GPR158: variants seen among roughly 807,000 people sequenced by gnomAD.
The protein encoded by GPR158 is G protein-coupled receptor 158.
In GPR158, 30 loss-of-function variants were observed where a neutral mutation model predicts 78.2. That is an observed-to-expected ratio of 0.38 (90% CI 0.29 to 0.52). GPR158 has a LOEUF of 0.52. Ranked by LOEUF, GPR158 falls within the 20% of genes least tolerant of loss-of-function variation. The probability of loss-of-function intolerance (pLI) is 0.83; values close to 1 mark genes in which losing one functional copy is unlikely to be tolerated. For synonymous variants in GPR158, 581 were observed against 591.1 expected (o/e 0.98, Z 0.25); for missense variants, 1,463 against 1,523.5 (o/e 0.96, Z 0.66).
chr10:25,330,013 T>TA (rs1855095674), intron 2 of GPR158, among the ~76,000 whole-genome samples: 3 of 40,472 alleles, frequency 7.4e-5, no homozygotes, highest in Admixed American at 4.6e-4. Flanking sequence ...TTGAGATAAT[T>TA]CTTTTTTTTT....
chr10:25,548,765 A>G (rs1836695384), intron 5 of GPR158, among the ~76,000 whole-genome samples: 2 of 152,098 alleles, frequency 1.3e-5, no homozygotes, highest in Admixed American at 1.3e-4. Context: ...TTAATAACAC[A>G]TTTTATTTAG....
At chr10:25,206,800 G>A (rs1421334979) in intron 1 of GPR158, among the ~76,000 whole-genome samples, 1 of 151,786 alleles carries the variant, frequency 6.6e-6, no homozygotes, top group Non-Finnish European at 1.5e-5. Flanking sequence ...CCAGAAGGTA[G>A]GGTGATTGAC....
chr10:25,263,399 A>G (rs201553889), intron 2 of GPR158, among the ~76,000 whole-genome samples: 1 of 152,110 alleles, frequency 6.6e-6, no homozygotes, highest in East Asian at 1.9e-4. Flanking sequence ...TCCTAATACC[A>G]CACTGCCTTG....
chr10:25,318,245 C>G (rs1854889962), intron 2 of GPR158, among the ~76,000 whole-genome samples: 1 of 151,740 alleles, frequency 6.6e-6, no homozygotes, highest in African/African-American at 2.4e-5. Flanking sequence ...TCAATTTACC[C>G]TTTTGGCTCA....
At chr10:25,485,750 A>AT (rs1258550425) in intron 5 of GPR158, among the ~76,000 whole-genome samples, 1 of 152,130 alleles carries the variant, frequency 6.6e-6, no homozygotes, top group African/African-American at 2.4e-5. Flanking sequence ...AGTCTGTATG[A>AT]TTTGTCTATC....
At chr10:25,182,833 G>A (rs978934580) in intron 1 of GPR158, among the ~76,000 whole-genome samples, 3 of 152,194 alleles carry the variant, frequency 2.0e-5, no homozygotes, top group African/African-American at 7.2e-5. Flanking sequence ...GGCCCTGGCT[G>A]TTTTCTCTGT....
rs1164266695 is a variant in GPR158, at chr10:25,175,488, G to C, written c.68G>C (p.Gly23Ala). The part of the protein sequence containing the change: ...LLAQLGLGAV[G>A]ASRDPQGRPD... Reference sequence around the variant, plus strand: ...GCTCAGCTGGGATTGGGAGCTGTTGGCGCCAGCCGCGACCCCCAAGGACGG... The same window carrying C: ...GCTCAGCTGGGATTGGGAGCTGTTGCCGCCAGCCGCGACCCCCAAGGACGG... Residue 23 changes from glycine (G) to alanine (A), a missense_variant, in exon 1 of 11, where the codon GGC becomes GCC. Physicochemically the swap from Gly to Ala is moderately conservative, Grantham distance 60. Coordinates refer to ENST00000376351, the MANE Select transcript of GPR158 (RefSeq NM_020752.3). The surrounding 1 kb of genome is among the most constrained non-coding windows in gnomAD (Gnocchi z 6.4). 1 of 1,611,336 alleles carries C rather than the reference G, an allele frequency of 6.2e-7. No homozygotes were observed. Among genetic ancestry groups the C allele is most frequent in the South Asian group, 1.1e-5 (1 of 90,860 alleles).
chr10:25,487,333 G>A (rs1275400229), intron 5 of GPR158, among the ~76,000 whole-genome samples: 1 of 152,132 alleles, frequency 6.6e-6, no homozygotes, highest in South Asian at 2.1e-4. Context: ...ACTTCTATAC[G>A]AGGACTAATT....
chr10:25,242,453 AAGTC>A (rs1316884304), intron 2 of GPR158, among the ~76,000 whole-genome samples: 10 of 152,354 alleles, frequency 6.6e-5, no homozygotes, highest in African/African-American at 2.4e-4. Context: ...ACTAGATTGA[AAGTC>A]AGATTTGTCC....
chr10:25,467,256 G>C (rs1178505715), intron 5 of GPR158, among the ~76,000 whole-genome samples: 4 of 152,202 alleles, frequency 2.6e-5, no homozygotes, highest in Non-Finnish European at 5.9e-5. Context: ...TAAGATAAAA[G>C]ACTGTGGAGA....
At position 25,340,217 on chromosome 10, in the gene GPR158, A is replaced by G. The variant is rs139841546; in HGVS notation, c.1009-55694A>G. On this transcript the variant is annotated intron_variant, in intron 2 of 10. Transcript: ENST00000376351. ...GGTTGCTCTCCAAAGCCTTTAAACA[A>G]TTAGAGGCTTTGTTTGTTTGTTTTA... Among the ~76,000 whole-genome samples, 328 of 152,164 alleles carry G rather than the reference A, an allele frequency of 2.2e-3. 3 individuals carry two copies. Among genetic ancestry groups the G allele is most frequent in the Non-Finnish European group, 5.3e-4 (36 of 67,976 alleles).
intron 4 of GPR158, among the ~76,000 whole-genome samples, chr10:25,421,560 A>G (rs1450313699): frequency 2.6e-5 from 4 of 152,068 alleles, no homozygotes; most frequent in Non-Finnish European, 5.9e-5. Context: ...GCTGTACCCA[A>G]TATAGGATGA....
intron 2 of GPR158, among the ~76,000 whole-genome samples, chr10:25,257,487 A>G (rs1853905285): frequency 1.3e-5 from 2 of 152,160 alleles, no homozygotes; most frequent in African/African-American, 4.8e-5. Context: ...CTATTTAGAG[A>G]AGGAAAGTAA....
At chr10:25,297,490 G>T (rs67675896) in intron 2 of GPR158, among the ~76,000 whole-genome samples, 31,036 of 152,066 alleles carry the variant, frequency 0.2, 5,273 homozygotes, top group African/African-American at 0.47. Context: ...GCATAAGATA[G>T]GGATCTAACC....
At chr10:25,242,364 A>C (rs1853638481) in intron 2 of GPR158, among the ~76,000 whole-genome samples, 2 of 152,242 alleles carry the variant, frequency 1.3e-5, no homozygotes, top group Admixed American at 1.3e-4. Flanking sequence ...AGAATAATAG[A>C]CTTTAAAAAC....
intron 5 of GPR158, among the ~76,000 whole-genome samples, chr10:25,549,997 C>T (rs1353714436): frequency 1.3e-5 from 2 of 152,192 alleles, no homozygotes; most frequent in African/African-American, 2.4e-5. Context: ...GTGCTCTTCA[C>T]TAGTATTAAT....
chr10:25,219,056 A>T (rs896657470), intron 1 of GPR158, among the ~76,000 whole-genome samples: 1 of 152,226 alleles, frequency 6.6e-6, no homozygotes, highest in East Asian at 1.9e-4. Flanking sequence ...TCCAAGGAGC[A>T]TAAAGTAGAA....
At chr10:25,265,401 T>G (rs1488709675) in intron 2 of GPR158, among the ~76,000 whole-genome samples, 1 of 152,216 alleles carries the variant, frequency 6.6e-6, no homozygotes, top group Non-Finnish European at 1.5e-5. Context: ...CTTGAGTCCC[T>G]AAGTGGCCAT....
intron 5 of GPR158, among the ~76,000 whole-genome samples, chr10:25,507,327 C>T (rs1210225301): frequency 2.6e-5 from 4 of 152,160 alleles, no homozygotes; most frequent in Non-Finnish European, 4.4e-5. Flanking sequence ...TGAGGAGCCT[C>T]GTTAAAAAGT....
Sources: allele counts gnomAD v4.1 joint callset (sites outside exome capture counted in the v4.1 genomes callset), GRCh38; gene constraint gnomAD v4.1.1; non-coding constraint Gnocchi (gnomAD v3.1); transcripts MANE v1.5; gene names NCBI Gene and HGNC (gene_info 2026-07-23, HGNC 2026-07-21).